TCF20: variants seen among roughly 807,000 people sequenced by gnomAD.
The protein encoded by TCF20 is transcription factor 20.
Under a neutral mutation model 148.6 loss-of-function variants are expected in TCF20, and 3 were observed. That is an observed-to-expected ratio of 0.02 (90% CI 0.01 to 0.05). The LOEUF (loss-of-function observed/expected upper bound fraction) is 0.05, where lower values mean the gene tolerates loss of function less well. TCF20 is among the 10% of genes least tolerant of loss of function. The pLI, the probability that TCF20 is intolerant of heterozygous loss-of-function variation, is 1.00. For synonymous variants in TCF20, 1,049 were observed against 909.5 expected (o/e 1.15, Z -2.76); for missense variants, 2,350 against 2,429.3 (o/e 0.97, Z 0.69).
chr22:42,163,617 G>A (rs1431895298), intron 5 of TCF20, among the ~76,000 whole-genome samples: 2 of 152,216 alleles, frequency 1.3e-5, no homozygotes, highest in Non-Finnish European at 2.9e-5. Context: ...AGCCCAAAGC[G>A]ACGTGGCCAG....
chr22:42,271,389 T>C (rs1021732671), upstream of TCF20, among the ~76,000 whole-genome samples: 8 of 152,262 alleles, frequency 5.3e-5, no homozygotes, highest in Non-Finnish European at 5.9e-5. Flanking sequence ...CCGAATTAAT[T>C]TGCCGATAAG....
At chr22:42,316,435 C>T (rs755761044) in intron 1 of TCF20, among the ~76,000 whole-genome samples, 3 of 152,168 alleles carry the variant, frequency 2.0e-5, no homozygotes, top group Non-Finnish European at 4.4e-5. Flanking sequence ...GCACACCACA[C>T]ATACTCAAGG....
chr22:42,219,355 C>CAAAAAAAAAAAAAAAAAAAAAA lies in TCF20; in HGVS notation c.-36-4036_-36-4015dup, dbSNP rs528664836. Among the ~76,000 whole-genome samples, 103 of 43,542 alleles carry CAAAAAAAAAAAAAAAAAAAAAA rather than the reference C, an allele frequency of 2.4e-3. 4 individuals are homozygous for CAAAAAAAAAAAAAAAAAAAAAA. Among genetic ancestry groups the CAAAAAAAAAAAAAAAAAAAAAA allele is most frequent in the Non-Finnish European group, 2.9e-3 (68 of 23,250 alleles). 28.6% of individuals were successfully genotyped at this position (43,542 alleles called of 152,430 possible). A position where few individuals can be genotyped will look rare whatever the true frequency, so the allele number is the denominator to read the frequency against. ...ACCCTGGGTGACAGTAACCCTGTCT[C>CAAAAAAAAAAAAAAAAAAAAAA]AAAAAAAAAAAAAAAAAAAAAAAAA... is the stretch of plus-strand genomic sequence containing the variant. On this transcript the variant is annotated intron_variant, in intron 1 of 5. Transcript: ENST00000677622.
In TCF20 at chr22:42,279,112, C is replaced by G. The variant is rs1926845139; in HGVS notation, c.-37+4715G>C. 1.3e-5 allele frequency among the ~76,000 whole-genome samples: 2 copies of G among 152,148 alleles called. No individual in the cohort carries two copies. Among genetic ancestry groups the G allele is most frequent in the South Asian group, 4.1e-4 (2 of 4,836 alleles). On this transcript the variant is annotated intron_variant, in intron 1 of 5. Transcript: ENST00000359486. This position sits in a 1 kb window ranked among gnomAD's most constrained non-coding sequence, Gnocchi z 4.3. ...AGTTTTGTGTCTCCCCAGCCTCCTC[C>G]CCTAGGGCTCTCTAGGCTTCCTTTA...
At chr22:42,198,419 G>T (rs1187499448) in intron 2 of TCF20, among the ~76,000 whole-genome samples, 1 of 152,166 alleles carries the variant, frequency 6.6e-6, no homozygotes, top group Non-Finnish European at 1.5e-5. Flanking sequence ...ATCCATGGAG[G>T]ACTGGTTCCA....
At chr22:42,185,035 C>A (rs187734932) in intron 2 of TCF20, among the ~76,000 whole-genome samples, 5 of 152,144 alleles carry the variant, frequency 3.3e-5, no homozygotes, top group African/African-American at 9.7e-5. Flanking sequence ...TTTAAGGGAG[C>A]CTTCTCCAAG....
chr22:42,256,639 A>G (rs1009150343), intron 1 of TCF20, among the ~76,000 whole-genome samples: 3 of 152,150 alleles, frequency 2.0e-5, no homozygotes, highest in African/African-American at 7.2e-5. Flanking sequence ...TTAAACTCAC[A>G]TCTACTAGAA....
rs746740337 is a variant in TCF20 at position 42,214,420 on chromosome 22, A to C, written c.886T>G (p.Ser296Ala). The change falls in exon 2 of 6, where the codon TCT becomes GCT. Residue 296 changes from serine (S) to alanine (A), a missense_variant. Transcript: ENST00000677622. ...TQSNYSYQPQ[S>A]MKNFEQAKIP... ...TTTGCCTGTTCAAAATTCTTCATAG[A>C]TTGAGGCTGATAGCTGTAATTGGAT... 4.3e-6 allele frequency: 7 copies of C among 1,614,044 alleles called. No homozygotes were observed. Among genetic ancestry groups the C allele is most frequent in the Admixed American group, 1.7e-5 (1 of 60,022 alleles).
chr22:42,222,023 C>A (rs1293990209), intron 1 of TCF20, among the ~76,000 whole-genome samples: 1 of 152,096 alleles, frequency 6.6e-6, no homozygotes, highest in African/African-American at 2.4e-5. Context: ...CAGGCATGAG[C>A]CACCGCGCCC....
chr22:42,294,600 G>T (rs766482950), intron 1 of TCF20, among the ~76,000 whole-genome samples: 1 of 152,178 alleles, frequency 6.6e-6, no homozygotes, highest in Non-Finnish European at 1.5e-5. Flanking sequence ...CGGTCACAAG[G>T]ATTTAGGACT....
At chr22:42,199,609 C>A (rs1285201760) in intron 2 of TCF20, among the ~76,000 whole-genome samples, 1 of 148,370 alleles carries the variant, frequency 6.7e-6, no homozygotes. Context: ...GTGGCTCAGG[C>A]CTGTAATCCC....
In TCF20 at chr22:42,214,787, G is replaced by T. The variant is rs142871472; in HGVS notation, c.519C>A (p.Ser173Arg). The stretch of plus-strand genomic sequence containing the variant: ...GCTGGACTTGCTGCTGCTGCTGCTG[G>T]CTGGAAGCCTGCTGTTGGTACTGAG... Reference protein sequence around the residue: ...GSAQYQQQASSQQQQQQVQQL... With the variant: ...GSAQYQQQASRQQQQQQVQQL... Residue 173 changes from serine to arginine, a missense_variant, in exon 2 of 6, where the codon AGC becomes AGA. Ser to Arg is a moderately radical substitution (Grantham distance 110). Transcript: ENST00000677622. The T allele has an allele frequency of 3.1e-6, 5 of 1,614,066 alleles. No homozygotes were observed. Among genetic ancestry groups the T allele is most frequent in the East Asian group, 2.2e-5 (1 of 44,884 alleles).
At chr22:42,249,116 A>C (rs147859955) in intron 1 of TCF20, among the ~76,000 whole-genome samples, 136 of 152,326 alleles carry the variant, frequency 8.9e-4, no homozygotes, top group Non-Finnish European at 1.6e-3. Context: ...CTTGGACATC[A>C]GAACTCCAGG....
intron 1 of TCF20, among the ~76,000 whole-genome samples, chr22:42,328,581 G>C (rs1298810294): frequency 2.6e-5 from 4 of 152,150 alleles, no homozygotes; most frequent in African/African-American, 7.2e-5. Flanking sequence ...TCAAATGCCA[G>C]CTCACCTACT....
At chr22:42,269,100 G>T (rs757806486) in intron 1 of TCF20, among the ~76,000 whole-genome samples, 1 of 152,134 alleles carries the variant, frequency 6.6e-6, no homozygotes, top group Non-Finnish European at 1.5e-5. Context: ...CAGATTCCTG[G>T]TCTCCCAGGT....
intron 1 of TCF20, among the ~76,000 whole-genome samples, chr22:42,228,995 G>C (rs561115349): frequency 6.6e-6 from 1 of 152,332 alleles, no homozygotes; most frequent in Admixed American, 6.5e-5. Flanking sequence ...GTTTGTACTT[G>C]TCCGGCATTT....
At chr22:42,241,440 C>T (rs1924392363) in intron 1 of TCF20, among the ~76,000 whole-genome samples, 1 of 152,034 alleles carries the variant, frequency 6.6e-6, no homozygotes, top group African/African-American at 2.4e-5. Context: ...GAACAGGAAT[C>T]CATAAAAAAC....
intron 1 of TCF20, among the ~76,000 whole-genome samples, chr22:42,330,836 AGATGGG>A (rs1161242157): frequency 6.6e-6 from 1 of 152,236 alleles, no homozygotes; most frequent in East Asian, 1.9e-4. Context: ...CCTACTTTAC[AGATGGG>A]GAAACTGAGG....
At chr22:42,268,700 C>A (rs1202496554) in intron 1 of TCF20, among the ~76,000 whole-genome samples, 1 of 152,194 alleles carries the variant, frequency 6.6e-6, no homozygotes, top group African/African-American at 2.4e-5. Flanking sequence ...GACAAATATT[C>A]TCTGAAACAT....
Sources: allele counts gnomAD v4.1 joint callset (sites outside exome capture counted in the v4.1 genomes callset), GRCh38; gene constraint gnomAD v4.1.1; non-coding constraint Gnocchi (gnomAD v3.1); transcripts MANE v1.5; gene names NCBI Gene and HGNC (gene_info 2026-07-23, HGNC 2026-07-21).